The following NDUFAF6 variants were observed in gnomAD, a reference collection of about 807,000 sequenced individuals.
NDUFAF6 encodes the protein NADH dehydrogenase (ubiquinone) complex I, assembly factor 6.
NDUFAF6 carries 45 observed loss-of-function variants against 40.8 expected under a neutral mutation model. That is an observed-to-expected ratio of 1.10 (90% CI 0.87 to 1.42). The LOEUF (loss-of-function observed/expected upper bound fraction) is 1.42. Ranked by LOEUF, NDUFAF6 falls within the 40% of genes most tolerant of loss-of-function variation. NDUFAF6 has a pLI of 0.00. For synonymous variants in NDUFAF6, 185 were observed against 155.9 expected (o/e 1.19, Z -1.39); for missense variants, 435 against 418.5 (o/e 1.04, Z -0.34).
At chr8:95,081,611 G>A (rs922127743) in intron 2 of NDUFAF6, among the ~76,000 whole-genome samples, 1 of 152,138 alleles carries the variant, frequency 6.6e-6, no homozygotes, top group Non-Finnish European at 1.5e-5. Context: ...CACGGACTCC[G>A]ATAATACTCA....
chr8:94,928,726 C>G (rs1374665719), intron 1 of NDUFAF6: 1 of 152,222 alleles, frequency 6.6e-6, no homozygotes, highest in Non-Finnish European at 1.5e-5. Flanking sequence ...GTCTTCCACT[C>G]CAAACGCTCT....
chr8:94,975,026 G>A (rs555723381), intron 1 of NDUFAF6, among the ~76,000 whole-genome samples: 7 of 152,330 alleles, frequency 4.6e-5, no homozygotes, highest in South Asian at 2.1e-4. Flanking sequence ...CCAGCTCCTT[G>A]CTTCTTCCTT....
intron 4 of NDUFAF6, among the ~76,000 whole-genome samples, chr8:95,108,841 T>C (rs1294136397): frequency 1.3e-5 from 2 of 152,124 alleles, no homozygotes; most frequent in African/African-American, 2.4e-5. Context: ...CACTTCTGAG[T>C]ATGTACACAA....
chr8:95,056,660 A>G (rs1042315925), intron 8 of NDUFAF6, among the ~76,000 whole-genome samples: 25 of 152,000 alleles, frequency 1.6e-4, no homozygotes, highest in African/African-American at 6.0e-4. Context: ...TAATCCCAGT[A>G]CTTTGGGAGG....
At chr8:94,923,033 G>A (rs1819612376) in intron 1 of NDUFAF6, among the ~76,000 whole-genome samples, 1 of 152,106 alleles carries the variant, frequency 6.6e-6, no homozygotes, top group South Asian at 2.1e-4. Flanking sequence ...CATTCAGATT[G>A]ACTTGTAGTT....
At chr8:95,041,742 A>C in intron 4 of NDUFAF6, 116 bp downstream of exon 4, 2 of 880,640 alleles carry the variant, frequency 2.3e-6, no homozygotes, top group East Asian at 4.9e-5. Context: ...GGAAACTTTT[A>C]GAGAATTATG....
At chr8:95,108,092 A>G (rs1327231805), downstream of NDUFAF6, among the ~76,000 whole-genome samples, 2 of 152,202 alleles carry the variant, frequency 1.3e-5, no homozygotes, top group East Asian at 3.8e-4. Flanking sequence ...ATATGGGGCA[A>G]TTGGAATCCT....
intron 9 of NDUFAF6, among the ~76,000 whole-genome samples, chr8:95,071,147 T>G (rs1832835382): frequency 6.6e-6 from 1 of 151,670 alleles, no homozygotes; most frequent in Admixed American, 6.6e-5. Context: ...TCCCAGCACT[T>G]TGGGAGGCTG....
chr8:95,023,719 T>C (rs1827795450), upstream of NDUFAF6, among the ~76,000 whole-genome samples: 1 of 152,116 alleles, frequency 6.6e-6, no homozygotes, highest in Non-Finnish European at 1.5e-5. Context: ...CAACATACCA[T>C]GTGAACAAAT....
intron 1 of NDUFAF6, among the ~76,000 whole-genome samples, chr8:94,963,725 T>C (rs1211082996): frequency 6.6e-6 from 1 of 152,116 alleles, no homozygotes; most frequent in Non-Finnish European, 1.5e-5. Flanking sequence ...ATTGTGAAGG[T>C]TGGCAAATAC....
rs201921070 is a variant in NDUFAF6 at position 95,046,061 on chromosome 8, A to ATTTTATTTTATTTAT, written c.580+417_580+418insTATTTTATTTATTTT. Among the ~76,000 whole-genome samples the ATTTTATTTTATTTAT allele has an allele frequency of 2.8e-3, 408 of 144,832 alleles. 1 individual carries two copies. The highest frequency in any genetic ancestry group is 0.01 in the African/African-American group (368 of 35,210). ...ATTTTATTTTATTTTATTTTATTTT[A>ATTTTATTTTATTTAT]TTTATTTTATTTTATTTTATGATGG... On this transcript the variant is annotated intron_variant, in intron 5 of 8. Transcript: ENST00000396124.
chr8:94,972,835 G>T (rs111247929), intron 1 of NDUFAF6, among the ~76,000 whole-genome samples: 1 of 151,980 alleles, frequency 6.6e-6, no homozygotes, highest in African/African-American at 2.4e-5. Flanking sequence ...AGCAGTCGAG[G>T]CTGCAGTGAG....
intron 3 of NDUFAF6, among the ~76,000 whole-genome samples, chr8:95,039,193 A>T (rs1587076301): frequency 6.7e-6 from 1 of 149,456 alleles, no homozygotes; most frequent in Admixed American, 6.7e-5. Context: ...GTTGGCTCAC[A>T]CCTGTAATGC....
chr8:95,024,672 G>C (rs1827857536), upstream of NDUFAF6, among the ~76,000 whole-genome samples: 1 of 152,232 alleles, frequency 6.6e-6, no homozygotes, highest in African/African-American at 2.4e-5. Context: ...GGGGTATAGG[G>C]GCGGCGGGGC....
chr8:94,957,077 C>T (rs1195795668), upstream of NDUFAF6, among the ~76,000 whole-genome samples: 2 of 152,106 alleles, frequency 1.3e-5, no homozygotes, highest in Admixed American at 6.5e-5. Context: ...GAGGCTGAGG[C>T]AGGAGAATCA....
At chr8:95,051,910 G>A (rs1484628946) in intron 7 of NDUFAF6, among the ~76,000 whole-genome samples, 1 of 152,168 alleles carries the variant, frequency 6.6e-6, no homozygotes, top group East Asian at 1.9e-4. Flanking sequence ...CAGAGCTGGG[G>A]AGTCAAAATT....
chr8:95,055,470 A>G (rs529229530), intron 8 of NDUFAF6: 34 of 152,330 alleles, frequency 2.2e-4, no homozygotes, highest in African/African-American at 7.9e-4. Flanking sequence ...AAAAGTATAA[A>G]TATAACACTT....
At chr8:94,991,737 C>T (rs970232921) in intron 2 of NDUFAF6, among the ~76,000 whole-genome samples, 1 of 149,964 alleles carries the variant, frequency 6.7e-6, no homozygotes, top group Non-Finnish European at 1.5e-5. Flanking sequence ...TTGTTTTTTT[C>T]TCTTCATCTA....
In NDUFAF6 at chr8:95,058,660, T is replaced by C. The variant is rs2132007272; in HGVS notation, c.*723T>C. On this transcript the variant is annotated 3_prime_UTR_variant, in exon 9 of 9. Coordinates refer to ENST00000396124, the MANE Select transcript of NDUFAF6 (RefSeq NM_152416.4). The stretch of plus-strand genomic sequence containing the variant: ...ATTGTACTGAGAAAGTTTGTATAAG[T>C]GATATGAACGGTATTGTATTGAACA... 9.4e-7 allele frequency: 1 copy of C among 1,068,336 alleles called. No homozygotes were observed. Among genetic ancestry groups the C allele is most frequent in the Middle Eastern group, 4.2e-4 (1 of 2,378 alleles). The allele number at this position is 1,068,336 out of a possible 1,614,324, so 66.2% of individuals were successfully genotyped here. A position where few individuals can be genotyped will look rare whatever the true frequency, so the allele number is the denominator to read the frequency against.
Sources: allele counts gnomAD v4.1 joint callset (sites outside exome capture counted in the v4.1 genomes callset), GRCh38; gene constraint gnomAD v4.1.1; transcripts MANE v1.5; gene names NCBI Gene and HGNC (gene_info 2026-07-23, HGNC 2026-07-21).